NOSTRIN: variants seen among roughly 807,000 people sequenced by gnomAD.
NOSTRIN encodes nitric oxide synthase trafficking.
NOSTRIN carries 63 observed loss-of-function variants against 59.0 expected under a neutral mutation model. The observed-to-expected ratio is 1.07, with a 90% CI of 0.87 to 1.32. NOSTRIN has a LOEUF of 1.32. NOSTRIN is among the 40% of genes most tolerant of loss of function. NOSTRIN has a pLI of 0.00. For synonymous variants in NOSTRIN, 200 were observed against 165.4 expected, an observed-to-expected ratio of 1.21 and a Z score of -1.61; for missense variants, 512 against 473.1, an observed-to-expected ratio of 1.08 and a Z score of -0.76.
chr2:168,795,504 G>T (rs911273993), upstream of NOSTRIN, among the ~76,000 whole-genome samples: 3 of 152,150 alleles, frequency 2.0e-5, no homozygotes, highest in Non-Finnish European at 4.4e-5. Context: ...GGCTTATTGT[G>T]GGAAAGTAAA....
At chr2:168,823,277 A>C (rs1316534643) in intron 2 of NOSTRIN, among the ~76,000 whole-genome samples, 2 of 152,192 alleles carry the variant, frequency 1.3e-5, no homozygotes, top group Non-Finnish European at 2.9e-5. Context: ...CGGCCTCCCA[A>C]AATGCTAGGA....
intron 2 of NOSTRIN, among the ~76,000 whole-genome samples, chr2:168,814,807 TGTAATCCTA>T (rs1472552173): frequency 5.9e-5 from 9 of 152,248 alleles, no homozygotes; most frequent in African/African-American, 2.2e-4. Flanking sequence ...GGCTCATGCC[TGTAATCCTA>T]GCATTTTGGG....
intron 7 of NOSTRIN, among the ~76,000 whole-genome samples, chr2:168,834,542 C>CACACACCA (rs1553527195): frequency 9.5e-6 from 1 of 105,614 alleles, no homozygotes; most frequent in Non-Finnish European, 2.1e-5. Context: ...CACACACACA[C>CACACACCA]CACATACATT....
At chr2:168,807,294 A>G (rs949182819) in intron 1 of NOSTRIN, among the ~76,000 whole-genome samples, 1 of 152,084 alleles carries the variant, frequency 6.6e-6, no homozygotes, top group Admixed American at 6.6e-5. Context: ...AGAGAGAGAG[A>G]ACTATATGGT....
At chr2:168,839,545 A>G (rs770955731) in intron 7 of NOSTRIN, among the ~76,000 whole-genome samples, 1 of 152,170 alleles carries the variant, frequency 6.6e-6, no homozygotes, top group Non-Finnish European at 1.5e-5. Flanking sequence ...AGAGCAAAAA[A>G]AGGGACGAAA....
At chr2:168,847,431 A>G (rs1688496346) in intron 8 of NOSTRIN, among the ~76,000 whole-genome samples, 1 of 152,174 alleles carries the variant, frequency 6.6e-6, no homozygotes, top group Non-Finnish European at 1.5e-5. Context: ...AGAGCCTCTG[A>G]ATGATTATAA....
At position 168,859,554 on chromosome 2, in the gene NOSTRIN, C is replaced by G. The variant is rs369169893; in HGVS notation, c.1096C>G (p.Leu366Val). Residue 366 changes from leucine (L) to valine (V), a missense_variant, in exon 13 of 16, where the codon CTG (leucine) becomes GTG (valine). Leu to Val is a conservative substitution (Grantham distance 32, BLOSUM62 1). Coordinates refer to ENST00000317647, the MANE Select transcript of NOSTRIN (RefSeq NM_001039724.4). ...LDLLEANSYK[L>V]SSMLAELEQR... ...CCTTTTGGAAGCGAACTCCTACAAA[C>G]TGTCATCAATGTTAGCAGAACTTGA... 1.9e-6 allele frequency: 3 copies of G among 1,614,018 alleles called. No homozygotes were observed. In the African/African-American group the frequency reaches 4.0e-5, roughly 22 times the overall value.
intron 2 of NOSTRIN, among the ~76,000 whole-genome samples, chr2:168,788,571 C>A (rs550289554): frequency 2.6e-5 from 4 of 152,198 alleles, no homozygotes; most frequent in African/African-American, 9.6e-5. Flanking sequence ...GTGATGAGGC[C>A]ATCCCTGCAG....
chr2:168,821,337 T>C (rs1262980040), intron 2 of NOSTRIN, among the ~76,000 whole-genome samples: 1 of 152,224 alleles, frequency 6.6e-6, no homozygotes, highest in African/African-American at 2.4e-5. Flanking sequence ...AAACAGCTTG[T>C]TAATTTACAG....
rs761717633 is a variant in NOSTRIN, at chr2:168,842,944, CT to C, written c.505-45del. 19 of 854,772 alleles carry C rather than the reference CT, an allele frequency of 2.2e-5. No homozygotes were observed. The African/African-American group carries it at 2.6e-4, about 12-fold the overall frequency. The allele number at this position is 854,772 out of a possible 1,614,324, so 52.9% of individuals were successfully genotyped here. A position where few individuals can be genotyped will look rare whatever the true frequency, so the allele number is the denominator to read the frequency against. ...ATTATTACTATGGAATTACAAAGGG[CT>C]TTCAAAAATGTGTTAGTAAATGTGT... On this transcript the variant is annotated intron_variant, in intron 7 of 15. Transcript: ENST00000317647.
chr2:168,848,865 T>C lies in NOSTRIN; in HGVS notation c.631-2219T>C, dbSNP rs185034028. Among the ~76,000 whole-genome samples the C allele has an allele frequency of 4.6e-5, 7 of 152,308 alleles. No homozygotes were observed. The East Asian group carries it at 1.4e-3, about 29-fold the overall frequency. The stretch of plus-strand genomic sequence containing the variant: ...AAAAAGTTTTAGAGATGAATTATGG[T>C]GGTGTTTGCATAATAATGTGAATGC... On this transcript the variant is annotated intron_variant, in intron 8 of 15. Coordinates refer to ENST00000317647, the MANE Select transcript of NOSTRIN (RefSeq NM_001039724.4).
chr2:168,851,251 C>T (rs887173961), intron 9 of NOSTRIN, 28 bp from the exon 10 acceptor site: 1 of 1,613,956 alleles, frequency 6.2e-7, no homozygotes, highest in African/African-American at 1.3e-5. Flanking sequence ...TCTTCGACAA[C>T]CTTATTCTGT....
intron 7 of NOSTRIN, among the ~76,000 whole-genome samples, chr2:168,842,185 G>A (rs918335380): frequency 1.3e-5 from 2 of 152,196 alleles, no homozygotes; most frequent in Admixed American, 6.5e-5. Context: ...CTTCTTTGGG[G>A]AAGAGGGATT....
chr2:168,856,382 T>C, intron 11 of NOSTRIN: 1 of 320,366 alleles, frequency 3.1e-6, no homozygotes, highest in Non-Finnish European at 5.9e-6. Flanking sequence ...GGAGACCAGT[T>C]TGGCCAACAT....
chr2:168,823,264 C>T (rs1317163093), intron 2 of NOSTRIN, among the ~76,000 whole-genome samples: 1 of 152,206 alleles, frequency 6.6e-6, no homozygotes, highest in African/African-American at 2.4e-5. Context: ...GATCCGCCCA[C>T]CTCGGCCTCC....
chr2:168,800,361 C>G (rs1685580122), upstream of NOSTRIN, among the ~76,000 whole-genome samples: 1 of 152,208 alleles, frequency 6.6e-6, no homozygotes, highest in African/African-American at 2.4e-5. Context: ...CGATACCAAC[C>G]TATTTCTGAC....
At chr2:168,795,876 T>G (rs1328305773), upstream of NOSTRIN, among the ~76,000 whole-genome samples, 2 of 152,234 alleles carry the variant, frequency 1.3e-5, no homozygotes, top group African/African-American at 4.8e-5. Flanking sequence ...TGCCACAGTT[T>G]AAAGTACTCA....
chr2:168,856,730 C>T lies in NOSTRIN; in HGVS notation c.1005C>T (p.Ser335=). Residue 335 remains serine (S), a synonymous_variant, in exon 12 of 16, where the codon TCC becomes TCT. Transcript: ENST00000317647. The stretch of plus-strand genomic sequence containing the variant: ...TTAAAACGTACTCCAGCACCTCCTC[C>T]TTCTCTGATGCAAAGAGCCAGAAAG... ...RMLKTYSSTS[S]FSDAKSQKDT... 1 of 1,614,164 alleles carries T rather than the reference C, an allele frequency of 6.2e-7. No homozygotes were observed. The highest frequency in any genetic ancestry group is 1.7e-5 in the Admixed American group (1 of 60,028).
At chr2:168,787,110 G>A (rs988242717) in intron 1 of NOSTRIN, 2 of 152,104 alleles carry the variant, frequency 1.3e-5, no homozygotes, top group Non-Finnish European at 2.9e-5. Flanking sequence ...GCTGCTTCTG[G>A]GATCAGGTAA....
Sources: allele counts gnomAD v4.1 joint callset (sites outside exome capture counted in the v4.1 genomes callset), GRCh38; gene constraint gnomAD v4.1.1; transcripts MANE v1.5; gene names NCBI Gene and HGNC (gene_info 2026-07-23, HGNC 2026-07-21).